Variants in RSPRY1 observed in about 807,000 individuals in gnomAD.
RSPRY1 encodes RING finger and SPRY domain-containing protein 1.
Under a neutral mutation model 73.1 loss-of-function variants are expected in RSPRY1, and 23 were observed. The observed-to-expected ratio is 0.31, with a 90% CI of 0.23 to 0.45. RSPRY1 has a LOEUF of 0.45. Ranked by LOEUF, RSPRY1 falls within the 20% of genes least tolerant of loss-of-function variation. The pLI is 1.00. For missense variants in RSPRY1, 448 were observed against 698.7 expected (o/e 0.64, Z 4.05); for synonymous variants, 226 against 251.4 (o/e 0.90, Z 0.95).
chr16:57,205,876 C>T (rs747112933), intron 2 of RSPRY1, among the ~76,000 whole-genome samples: 15 of 152,168 alleles, frequency 9.9e-5, no homozygotes, highest in Non-Finnish European at 2.1e-4. Flanking sequence ...TTAACAGTTG[C>T]TCAGTAGATG....
chr16:57,220,943 C>T, intron 9 of RSPRY1, 96 bp downstream of exon 9: 1 of 879,734 alleles, frequency 1.1e-6, no homozygotes, highest in Non-Finnish European at 1.8e-6. Flanking sequence ...GTGCTTCCCA[C>T]TCTCCCTGTA....
chr16:57,232,120 GTCTC>G (rs1183534433), intron 13 of RSPRY1, among the ~76,000 whole-genome samples: 2 of 152,166 alleles, frequency 1.3e-5, no homozygotes, highest in African/African-American at 2.4e-5. Flanking sequence ...CAGTAAGAGA[GTCTC>G]TCTCAGCAGC....
At chr16:57,189,537 TAACA>T (rs1208504570) in intron 1 of RSPRY1, among the ~76,000 whole-genome samples, 6 of 151,798 alleles carry the variant, frequency 4.0e-5, no homozygotes, top group Non-Finnish European at 8.8e-5. Context: ...GTCAAGAGTT[TAACA>T]AACAATTATT....
rs532913151 is a variant in RSPRY1 at position 57,204,841 on chromosome 16, A to G, written c.183A>G (p.Gln61=). Residue 61 remains glutamine (Q), a synonymous_variant, in exon 2 of 15, where the codon CAA becomes CAG. Transcript: ENST00000394420. ...ATGACAGTGTTGACACCCAACAGCA[A>G]CAGGCCGAGAACAGTGCAGTACCCA... The part of the protein sequence containing the change: ...GTDDSVDTQQ[Q]QAENSAVPTA... The G allele has an allele frequency of 5.0e-6, 8 of 1,614,074 alleles. No homozygotes were observed.
chr16:57,234,076 C>T (rs1417344383), intron 13 of RSPRY1, among the ~76,000 whole-genome samples: 3 of 152,150 alleles, frequency 2.0e-5, no homozygotes, highest in Admixed American at 1.3e-4. Flanking sequence ...AATTTGTCCT[C>T]TCCCTTCCCT....
intron 3 of RSPRY1, among the ~76,000 whole-genome samples, chr16:57,208,667 T>A (rs1226913748): frequency 3.3e-5 from 5 of 152,116 alleles, no homozygotes; most frequent in Non-Finnish European, 7.4e-5. Flanking sequence ...CCCAAAGTGC[T>A]GGGATTACAG....
intron 10 of RSPRY1, among the ~76,000 whole-genome samples, chr16:57,222,373 C>A (rs2075052439): frequency 6.6e-6 from 1 of 152,208 alleles, no homozygotes; most frequent in African/African-American, 2.4e-5. Context: ...AGACTACAGG[C>A]ACATCCCATG....
chr16:57,219,774 A>T (rs568278340), intron 8 of RSPRY1: 1 of 152,236 alleles, frequency 6.6e-6, no homozygotes, highest in Admixed American at 6.5e-5. Flanking sequence ...TTATTTTAGT[A>T]GCTTCATAGT....
chr16:57,189,940 A>G (rs1156327143), intron 1 of RSPRY1, among the ~76,000 whole-genome samples: 3 of 152,170 alleles, frequency 2.0e-5, no homozygotes, highest in Non-Finnish European at 2.9e-5. Flanking sequence ...TTCCTTAACA[A>G]TGAAGTAATT....
intron 1 of RSPRY1, among the ~76,000 whole-genome samples, chr16:57,192,790 C>T (rs767757232): frequency 1.3e-5 from 2 of 150,870 alleles, no homozygotes; most frequent in African/African-American, 4.9e-5. Context: ...ACTGCAGCCT[C>T]GACCTCCCCA....
intron 10 of RSPRY1, among the ~76,000 whole-genome samples, chr16:57,222,780 A>G (rs933646523): frequency 1.1e-4 from 17 of 152,346 alleles, no homozygotes; most frequent in African/African-American, 7.2e-5. Flanking sequence ...ACTAGAAGTA[A>G]TAGGGGATTC....
chr16:57,209,014 A>G (rs2074783829), intron 3 of RSPRY1, 61 bp from the exon 4 acceptor site: 1 of 1,110,148 alleles, frequency 9.0e-7, no homozygotes. Flanking sequence ...ATCTCGTGTG[A>G]CATATTTTCA....
At chr16:57,190,726 GT>G (rs1404596428) in intron 1 of RSPRY1, among the ~76,000 whole-genome samples, 1 of 152,196 alleles carries the variant, frequency 6.6e-6, no homozygotes, top group African/African-American at 2.4e-5. Context: ...TTTCCCTTTG[GT>G]TTATCATTCA....
At chr16:57,202,827 T>A (rs1338889826) in intron 1 of RSPRY1, among the ~76,000 whole-genome samples, 1 of 150,478 alleles carries the variant, frequency 6.6e-6, no homozygotes, top group Non-Finnish European at 1.5e-5. Flanking sequence ...CATTCTTTTC[T>A]CTCCCTTCCC....
intron 13 of RSPRY1, 60 bp from the exon 14 acceptor site, chr16:57,235,064 C>T: frequency 1.7e-6 from 2 of 1,160,188 alleles, no homozygotes; most frequent in Non-Finnish European, 2.6e-6. Flanking sequence ...ATTTCATATG[C>T]ATCACTGCTA....
intron 1 of RSPRY1, among the ~76,000 whole-genome samples, chr16:57,201,828 G>A (rs1054268021): frequency 5.9e-5 from 9 of 152,200 alleles, no homozygotes. Context: ...GCGTGGCGGT[G>A]CGCGCCTGCA....
At chr16:57,210,718 A>T (rs2074825478) in intron 4 of RSPRY1, among the ~76,000 whole-genome samples, 4 of 151,552 alleles carry the variant, frequency 2.6e-5, no homozygotes. Context: ...GTCTCAAAAA[A>T]AAAAAAAGAA....
At chr16:57,199,009 C>A (rs1343499362) in intron 1 of RSPRY1, among the ~76,000 whole-genome samples, 1 of 152,208 alleles carries the variant, frequency 6.6e-6, no homozygotes, top group Non-Finnish European at 1.5e-5. Context: ...CTTCTACCAT[C>A]CCCAAAGTGT....
intron 10 of RSPRY1, among the ~76,000 whole-genome samples, chr16:57,222,734 T>G (rs1461533306): frequency 6.6e-6 from 1 of 152,236 alleles, no homozygotes. Context: ...GAGAATTAGC[T>G]AGTTTCCTCA....
Sources: allele counts gnomAD v4.1 joint callset (sites outside exome capture counted in the v4.1 genomes callset), GRCh38; gene constraint gnomAD v4.1.1; transcripts MANE v1.5; gene names NCBI Gene and HGNC (gene_info 2026-07-23, HGNC 2026-07-21).